The following ZNF793 variants were observed in gnomAD, a reference collection of about 807,000 sequenced individuals.
ZNF793 encodes the protein zinc finger protein 793.
A neutral mutation model predicts 12.4 loss-of-function variants in ZNF793; 5 were observed. That is an observed-to-expected ratio of 0.40 (90% CI 0.21 to 0.84). ZNF793 has a LOEUF of 0.84. ZNF793 is among the 40% of genes least tolerant of loss of function. ZNF793 has a pLI of 0.35. For missense variants in ZNF793, 456 were observed against 495.0 expected (o/e 0.92, Z 0.75); for synonymous variants, 162 against 172.4 (o/e 0.94, Z 0.47).
At chr19:37,506,445 C>T (rs1330244519), upstream of ZNF793, 7 of 152,306 alleles carry the variant, frequency 4.6e-5, no homozygotes, top group Admixed American at 4.6e-4. Context: ...CTCTGTCTCC[C>T]TAAGAGCGAG....
At chr19:37,529,371 A>T (rs2042439927) in intron 5 of ZNF793, among the ~76,000 whole-genome samples, 1 of 152,086 alleles carries the variant, frequency 6.6e-6, no homozygotes, top group South Asian at 2.1e-4. Context: ...ACGTCCCTCC[A>T]GGTCACCCAC....
chr19:37,536,325 C>A, intron 7 of ZNF793: 1 of 397,170 alleles, frequency 2.5e-6, no homozygotes, highest in Non-Finnish European at 4.4e-6. Flanking sequence ...AATGCAGAGT[C>A]TGATTAAGTA....
At position 37,537,069 on chromosome 19, in the gene ZNF793, TA is replaced by T. The variant is rs1249513210; in HGVS notation, c.413del (p.Asn138ThrfsTer9). 3.1e-6 allele frequency: 5 copies of T among 1,613,748 alleles called. No homozygotes were observed. The African/African-American group carries it at 6.7e-5, about 22-fold the overall frequency. On this transcript the variant is annotated frameshift_variant, in exon 8 of 8. Transcript: ENST00000627814. LOFTEE classifies it low-confidence loss of function (END_TRUNC). ...DLFSSIQSPS[N>X]WNPCGKNLNH... ...TTTTTTCTTCAATCCAGAGCCCTAGTAACTGGAACCCTTGTGGAAAGAATTT... is the reference window on the plus strand; with the variant it reads ...TTTTTTCTTCAATCCAGAGCCCTAGTACTGGAACCCTTGTGGAAAGAATTT...
chr19:37,522,708 G>A (rs1193341153), intron 4 of ZNF793, 61 bp downstream of exon 4: 1 of 152,086 alleles, frequency 6.6e-6, no homozygotes, highest in Non-Finnish European at 1.5e-5. Flanking sequence ...TCATTGATTA[G>A]GTTCAGGTAT....
At chr19:37,533,699 C>T (rs2042480947) in intron 7 of ZNF793, 1 of 474,434 alleles carries the variant, frequency 2.1e-6, no homozygotes, top group African/African-American at 2.0e-5. Context: ...TTCCTATTCT[C>T]TGTTGTGACA....
intron 2 of ZNF793, among the ~76,000 whole-genome samples, chr19:37,508,964 A>G (rs2042272806): frequency 6.6e-6 from 1 of 152,172 alleles, no homozygotes; most frequent in Admixed American, 6.5e-5. Context: ...TTCAAGACAG[A>G]TAAAGCCACA....
intron 5 of ZNF793, among the ~76,000 whole-genome samples, chr19:37,526,131 G>A (rs1387635124): frequency 6.6e-6 from 1 of 152,046 alleles, no homozygotes; most frequent in Non-Finnish European, 1.5e-5. Flanking sequence ...ACCATGCCGT[G>A]CTAATTTTTA....
intron 2 of ZNF793, among the ~76,000 whole-genome samples, chr19:37,513,942 G>A (rs535280454): frequency 1.8e-4 from 27 of 151,972 alleles, no homozygotes; most frequent in African/African-American, 6.5e-4. Flanking sequence ...GAAGTGGAAG[G>A]AATTAATATA....
At chr19:37,532,273 G>T in intron 5 of ZNF793, 83 bp from the exon 6 acceptor site, 1 of 1,512,624 alleles carries the variant, frequency 6.6e-7, no homozygotes. Flanking sequence ...CAAAGTGCTG[G>T]GATTATAGGC....
Position 37,542,615 on chromosome 19 carries a change from A to T in ZNF793, c.*4736A>T, listed in dbSNP as rs1369129084. The T allele has an allele frequency of 3.9e-6, 1 of 257,952 alleles. No homozygotes were observed. The highest frequency in any genetic ancestry group is 2.2e-5 in the African/African-American group (1 of 45,176). The allele number at this position is 257,952 out of a possible 1,614,324, so 16.0% of individuals were successfully genotyped here. A position where few individuals can be genotyped will look rare whatever the true frequency, so the allele number is the denominator to read the frequency against. The stretch of plus-strand genomic sequence containing the variant: ...CATCAACTGGGAAATTGTAGAAAGG[A>T]AAAAACTATAGTGTATCCATTCCAT... On this transcript the variant is annotated 3_prime_UTR_variant, in exon 8 of 8. Coordinates refer to ENST00000627814, the MANE Select transcript of ZNF793 (RefSeq NM_001013659.3).
intron 5 of ZNF793, among the ~76,000 whole-genome samples, chr19:37,530,712 A>G (rs1465556795): frequency 6.6e-6 from 1 of 152,144 alleles, no homozygotes; most frequent in African/African-American, 2.4e-5. Flanking sequence ...GGAGTCTCCT[A>G]TGTCTACTTC....
At position 37,537,245 on chromosome 19, in the gene ZNF793, C is replaced by T. The variant is rs1192204887; in HGVS notation, c.587C>T (p.Ala196Val). 1.9e-6 allele frequency: 3 copies of T among 1,613,922 alleles called. No homozygotes were observed. In the South Asian group the frequency reaches 3.3e-5, roughly 18 times the overall value. ...KPRGCSHCEK[A>V]FTQNPALMYK... ...CGGGGTTGCAGTCACTGTGAGAAAG[C>T]TTTCACCCAGAACCCGGCACTTATG... The change falls in exon 8 of 8, where the codon GCT (alanine) becomes GTT (valine). Residue 196 changes from alanine (A) to valine (V), a missense_variant. Ala to Val is a moderately conservative substitution (Grantham distance 64). Transcript: ENST00000627814.
intron 7 of ZNF793, 108 bp downstream of exon 7, chr19:37,533,511 GC>G: frequency 2.2e-6 from 2 of 920,222 alleles, no homozygotes; most frequent in Non-Finnish European, 3.4e-6. Context: ...GAGAGCTTCA[GC>G]CACGTTAATG....
intron 2 of ZNF793, among the ~76,000 whole-genome samples, chr19:37,519,674 C>G (rs2042360350): frequency 6.6e-6 from 1 of 152,024 alleles, no homozygotes; most frequent in Non-Finnish European, 1.5e-5. Flanking sequence ...AGAGCATAAA[C>G]AGATTGTTTA....
intron 2 of ZNF793, among the ~76,000 whole-genome samples, chr19:37,518,331 T>A (rs1201872861): frequency 6.6e-6 from 1 of 152,078 alleles, no homozygotes; most frequent in Non-Finnish European, 1.5e-5. Context: ...TTCACCATGT[T>A]GGCCAGGCTA....
chr19:37,538,126 A>G lies in ZNF793; in HGVS notation c.*247A>G, dbSNP rs544450615. 3.4e-5 allele frequency: 13 copies of G among 378,088 alleles called. No homozygotes were observed. In the East Asian group the frequency reaches 4.8e-4, roughly 14 times the overall value. 23.4% of individuals were successfully genotyped at this position (378,088 alleles called of 1,614,324 possible). A position where few individuals can be genotyped will look rare whatever the true frequency, so the allele number is the denominator to read the frequency against. ...GAGACGGGGTTTCACCGTGTTAGCC[A>G]GGATGGTCTCGATCTCCTGACCTTG... On this transcript the variant is annotated 3_prime_UTR_variant, in exon 8 of 8. Transcript: ENST00000627814.
chr19:37,525,279 C>T (rs1164496617), intron 5 of ZNF793, among the ~76,000 whole-genome samples: 3 of 151,866 alleles, frequency 2.0e-5, no homozygotes, highest in Admixed American at 6.6e-5. Flanking sequence ...GCTGGGACTA[C>T]AGGCGCCTGC....
At chr19:37,520,866 T>C (rs1463508654) in intron 3 of ZNF793, among the ~76,000 whole-genome samples, 1 of 152,192 alleles carries the variant, frequency 6.6e-6, no homozygotes, top group Non-Finnish European at 1.5e-5. Flanking sequence ...GCAGAATTTA[T>C]GGACCTACTG....
chr19:37,510,837 C>T (rs2042288985), intron 2 of ZNF793, among the ~76,000 whole-genome samples: 2 of 151,780 alleles, frequency 1.3e-5, no homozygotes, highest in African/African-American at 4.8e-5. Context: ...GCTGGGACTA[C>T]AGGTGCCCAT....
Sources: allele counts gnomAD v4.1 joint callset (sites outside exome capture counted in the v4.1 genomes callset), GRCh38; gene constraint gnomAD v4.1.1; transcripts MANE v1.5; gene names NCBI Gene and HGNC (gene_info 2026-07-23, HGNC 2026-07-21).